DRC9: variants seen among roughly 807,000 people sequenced by gnomAD.
The protein encoded by DRC9 is dynein regulatory complex subunit 9, also known as dynein regulatory complex protein 9.
chr3:197,948,682 C>T, the DRC9 span, among the ~76,000 whole-genome samples: 2 of 152,182 alleles, frequency 1.3e-5, no homozygotes, highest in East Asian at 3.8e-4. Context: ...TAGTAGGCTA[C>T]AAGGTACAAG....
At chr3:197,917,450 C>T in the DRC9 span, among the ~76,000 whole-genome samples, 2 of 152,180 alleles carry the variant, frequency 1.3e-5, no homozygotes, top group African/African-American at 4.8e-5. Context: ...TCCTAAGAGA[C>T]GGAGCATCTC....
At chr3:197,926,357 T>C in the DRC9 span, among the ~76,000 whole-genome samples, 1 of 152,138 alleles carries the variant, frequency 6.6e-6, no homozygotes, top group Non-Finnish European at 1.5e-5. Flanking sequence ...TGGAGGAAGA[T>C]TCTCTGGCTT....
chr3:197,937,387 C>T, the DRC9 span, among the ~76,000 whole-genome samples: 1 of 151,954 alleles, frequency 6.6e-6, no homozygotes, highest in Admixed American at 6.6e-5. Flanking sequence ...CAATAGCTAC[C>T]AAGCTGTGCC....
chr3:197,953,979 T>C, the DRC9 span: 7 of 1,611,792 alleles, frequency 4.3e-6, no homozygotes, highest in Non-Finnish European at 5.1e-6. Flanking sequence ...CTTGTATTCC[T>C]CTTCTTTCCC....
At chr3:197,935,899 T>C in the DRC9 span, among the ~76,000 whole-genome samples, 1 of 152,188 alleles carries the variant, frequency 6.6e-6, no homozygotes, top group Non-Finnish European at 1.5e-5. Flanking sequence ...GTACTTCTAC[T>C]TCATAGAATG....
the DRC9 span, among the ~76,000 whole-genome samples, chr3:197,944,336 G>A: frequency 6.6e-6 from 1 of 151,278 alleles, no homozygotes; most frequent in Non-Finnish European, 1.5e-5. Context: ...TCAGCTCACC[G>A]CAACCTCTGC....
At chr3:197,953,964 A>C in the DRC9 span, 3 of 1,610,180 alleles carry the variant, frequency 1.9e-6, no homozygotes, top group South Asian at 2.2e-5. Context: ...ATCCAACTAT[A>C]TCAGCTTGTA....
the DRC9 span, among the ~76,000 whole-genome samples, chr3:197,933,083 A>G: frequency 7.1e-6 from 1 of 140,724 alleles, no homozygotes; most frequent in Non-Finnish European, 1.5e-5. Context: ...TATATAAAAT[A>G]CATATATTAT....
chr3:197,952,143 T>C, the DRC9 span, among the ~76,000 whole-genome samples: 1 of 151,564 alleles, frequency 6.6e-6, no homozygotes, highest in African/African-American at 2.4e-5. Context: ...TGCATTTTGT[T>C]AATGCCTTAA....
At chr3:197,896,114 G>T in the DRC9 span, among the ~76,000 whole-genome samples, 1 of 151,300 alleles carries the variant, frequency 6.6e-6, no homozygotes, top group Non-Finnish European at 1.5e-5. Flanking sequence ...AGGCCAAGGC[G>T]GGCAGATCAC....
At chr3:197,903,027 A>C in the DRC9 span, among the ~76,000 whole-genome samples, 1 of 151,806 alleles carries the variant, frequency 6.6e-6, no homozygotes, top group Non-Finnish European at 1.5e-5. Context: ...CAAATCAATA[A>C]ATCTACACTG....
At chr3:197,954,352 G>T in the DRC9 span, 1 of 616,950 alleles carries the variant, frequency 1.6e-6, no homozygotes, top group Non-Finnish European at 2.9e-6. Flanking sequence ...TTTTTGGGGG[G>T]AGACAGGGTC....
At chr3:197,944,990 A>G in the DRC9 span, among the ~76,000 whole-genome samples, 1 of 152,330 alleles carries the variant, frequency 6.6e-6, no homozygotes, top group South Asian at 2.1e-4. Context: ...ATGCTAACCA[A>G]AAGTGTCTCA....
chr3:197,892,495 C>T, the DRC9 span: 9 of 1,136,876 alleles, frequency 7.9e-6, no homozygotes, highest in Middle Eastern at 2.2e-4. Context: ...ATTTGCCACT[C>T]CTTCCTCGGT....
the DRC9 span, among the ~76,000 whole-genome samples, chr3:197,904,071 C>CATATATATACATACAT: frequency 1.3e-4 from 6 of 45,976 alleles, no homozygotes; most frequent in South Asian, 2.7e-3. Context: ...TATATACATA[C>CATATATATACATACAT]ATATATATAT....
the DRC9 span, among the ~76,000 whole-genome samples, chr3:197,908,092 G>A: frequency 1.5e-3 from 233 of 151,036 alleles, 1 homozygote; most frequent in Non-Finnish European, 1.5e-3. Context: ...TATCACAGGG[G>A]TGACTGTACC....
the DRC9 span, among the ~76,000 whole-genome samples, chr3:197,900,957 T>C: frequency 2.0e-5 from 3 of 152,136 alleles, no homozygotes; most frequent in Non-Finnish European, 4.4e-5. The surrounding 1 kb of genome is among the most constrained non-coding windows in gnomAD (Gnocchi z 4.7). Context: ...GGGTACACCA[T>C]GGGCCTTGGG....
At chr3:197,915,777 T>C in the DRC9 span, among the ~76,000 whole-genome samples, 1 of 151,588 alleles carries the variant, frequency 6.6e-6, no homozygotes, top group Non-Finnish European at 1.5e-5. Context: ...TTACAGGTGC[T>C]CACCACCACA....
the DRC9 span, among the ~76,000 whole-genome samples, chr3:197,947,425 C>T: frequency 6.6e-6 from 1 of 152,082 alleles, no homozygotes; most frequent in African/African-American, 2.4e-5. Flanking sequence ...TGATCTGGGC[C>T]CCTCTGTTCC....
Sources: gnomAD v4.1 joint callset for allele counts (sites outside exome capture counted in the v4.1 genomes callset) on GRCh38, gnomAD v4.1.1 for gene constraint, Gnocchi (gnomAD v3.1) non-coding constraint, MANE v1.5 for transcripts, NCBI Gene and HGNC (gene_info 2026-07-23, HGNC 2026-07-21) for gene names.